Variants in PSEN1 observed in about 807,000 individuals in gnomAD.
PSEN1 encodes presenilin-1.
A neutral mutation model predicts 53.5 loss-of-function variants in PSEN1; 15 were observed. The observed-to-expected ratio is 0.28, with a 90% CI of 0.19 to 0.43. The LOEUF (loss-of-function observed/expected upper bound fraction) is 0.43, where lower values mean the gene tolerates loss of function less well. PSEN1 is among the 20% of genes least tolerant of loss of function. The pLI, the probability that PSEN1 is intolerant of heterozygous loss-of-function variation, is 1.00. For synonymous variants in PSEN1, 208 were observed against 209.8 expected (o/e 0.99, Z 0.08); for missense variants, 387 against 571.2 (o/e 0.68, Z 3.29).
At chr14:73,202,168 C>T (rs1347600482) in intron 8 of PSEN1, among the ~76,000 whole-genome samples, 1 of 151,536 alleles carries the variant, frequency 6.6e-6, no homozygotes, top group Non-Finnish European at 1.5e-5. Context: ...CCTCAGCCTC[C>T]CGAGTAGTTG....
intron 8 of PSEN1, among the ~76,000 whole-genome samples, chr14:73,201,685 C>T (rs1285617942): frequency 6.6e-6 from 1 of 152,094 alleles, no homozygotes; most frequent in Non-Finnish European, 1.5e-5. Context: ...CAGGTGGTGA[C>T]CTGACAGGAG....
intron 11 of PSEN1, among the ~76,000 whole-genome samples, chr14:73,218,664 C>T (rs1045257519): frequency 4.7e-5 from 7 of 150,106 alleles, no homozygotes; most frequent in Admixed American, 3.3e-4. Context: ...AGAATGCTCC[C>T]GCACAGCATA....
rs1402306850 is a variant in PSEN1, at chr14:73,202,471, T to A, written c.869-3915T>A. Among the ~76,000 whole-genome samples the A allele has an allele frequency of 2.3e-3, 128 of 56,466 alleles. 1 individual carries two copies. The highest frequency in any genetic ancestry group is 7.8e-3 in the African/African-American group (109 of 13,950). The allele number at this position is 56,466 out of a possible 152,430, so 37.0% of individuals were successfully genotyped here. A position where few individuals can be genotyped will look rare whatever the true frequency, so the allele number is the denominator to read the frequency against. On this transcript the variant is annotated intron_variant, in intron 8 of 11. Transcript: ENST00000324501. ...ATATATATATATATATATTTTTTTTTTTTTTTTTTTTTTTTTTTTTTGAGA... is the reference window on the plus strand; with the variant it reads ...ATATATATATATATATATTTTTTTTATTTTTTTTTTTTTTTTTTTTTGAGA...
At chr14:73,210,955 A>T (rs943089715) in intron 9 of PSEN1, among the ~76,000 whole-genome samples, 2 of 152,218 alleles carry the variant, frequency 1.3e-5, no homozygotes, top group African/African-American at 4.8e-5. Flanking sequence ...GATAGTCATT[A>T]TAATGAAATG....
intron 7 of PSEN1, chr14:73,197,781 A>C: frequency 4.0e-6 from 2 of 500,762 alleles, no homozygotes; most frequent in Non-Finnish European, 7.2e-6. Context: ...TACACTGTAC[A>C]CTAAGCAAAT....
At chr14:73,215,862 G>C (rs565926375) in intron 10 of PSEN1, among the ~76,000 whole-genome samples, 1 of 152,294 alleles carries the variant, frequency 6.6e-6, no homozygotes, top group African/African-American at 2.4e-5. Context: ...ATTCAGACTG[G>C]TACAGCCAGT....
chr14:73,176,062 T>G (rs1898040280), intron 5 of PSEN1, among the ~76,000 whole-genome samples: 1 of 152,260 alleles, frequency 6.6e-6, no homozygotes, highest in Admixed American at 6.5e-5. Context: ...ACTTTAAGCT[T>G]ATACAGAGTT....
At position 73,148,093 on chromosome 14, in the gene PSEN1, C is replaced by T. The variant is rs201945418; in HGVS notation, c.74C>T (p.Thr25Ile). ...QMSEDNHLSN[T>I]VRSQNDNRER... is the part of the protein sequence containing the mutation. ...TCTGAGGACAACCACCTGAGCAATA[C>T]TGTACGTAGCCAGGTACAGTGTCAG... Residue 25 changes from threonine (T) to isoleucine (I), a missense_variant, in exon 3 of 12, where the codon ACT becomes ATT. By Grantham distance (89) the Thr-to-Ile change is moderately conservative. Transcript: ENST00000324501. The T allele has an allele frequency of 6.2e-7, 1 of 1,612,972 alleles. No individual in the cohort carries two copies. Among genetic ancestry groups the T allele is most frequent in the South Asian group, 1.1e-5 (1 of 90,996 alleles).
intron 3 of PSEN1, among the ~76,000 whole-genome samples, chr14:73,149,143 G>C (rs1897150015): frequency 6.6e-6 from 1 of 152,046 alleles, no homozygotes; most frequent in African/African-American, 2.4e-5. Context: ...GCAGAGCTAG[G>C]AACAGTGGTG....
rs374072277 is a variant in PSEN1, at chr14:73,156,031, C to T, written c.87+7925C>T. On this transcript the variant is annotated intron_variant, in intron 3 of 11. Coordinates refer to ENST00000324501, the MANE Select transcript of PSEN1 (RefSeq NM_000021.4). ...CTTTCTGCTCAGTTTTGCTGTGGAT[C>T]TAAGTTTGCATTTAAAAATATTTTA... Among the ~76,000 whole-genome samples the T allele has an allele frequency of 8.5e-5, 13 of 152,102 alleles. No individual in the cohort carries two copies. In the South Asian group the frequency reaches 1.2e-3, roughly 15 times the overall value.
At chr14:73,218,963 G>GT (rs1255510631) in intron 11 of PSEN1, among the ~76,000 whole-genome samples, 171 bp from the exon 12 acceptor site, 1 of 152,066 alleles carries the variant, frequency 6.6e-6, no homozygotes, top group Non-Finnish European at 1.5e-5. Flanking sequence ...CAAAAGCTAG[G>GT]TTTTTTTCAT....
chr14:73,209,780 A>G, intron 9 of PSEN1, among the ~76,000 whole-genome samples: 1 of 152,220 alleles, frequency 6.6e-6, no homozygotes, highest in East Asian at 1.9e-4. Context: ...GGATGGAGGA[A>G]GAGCTTTCCA....
At chr14:73,191,983 G>A (rs535534919) in intron 6 of PSEN1, among the ~76,000 whole-genome samples, 36 of 152,038 alleles carry the variant, frequency 2.4e-4, no homozygotes, top group Non-Finnish European at 4.6e-4. Context: ...GTATAGTATG[G>A]CATTTTAGGT....
intron 8 of PSEN1, among the ~76,000 whole-genome samples, chr14:73,205,930 C>T (rs1899437259): frequency 6.6e-6 from 1 of 152,176 alleles, no homozygotes. Flanking sequence ...GGGTTTAAAA[C>T]ATGGTTTAGC....
chr14:73,139,780 G>T (rs896005430), intron 1 of PSEN1, among the ~76,000 whole-genome samples: 1 of 152,090 alleles, frequency 6.6e-6, no homozygotes, highest in Non-Finnish European at 1.5e-5. Context: ...CCCTCATCAA[G>T]TGTGTGCTTA....
Position 73,192,654 on chromosome 14 carries a change from A to G in PSEN1, c.559A>G (p.Lys187Glu). ...FSFIYLGEVF[K>E]TYNVAVDYIT... ...GTAATTTTTTTTCAGGGAAGTGTTTAAAACCTATAACGTTGCTGTGGACTA... is the reference window on the plus strand; with the variant it reads ...GTAATTTTTTTTCAGGGAAGTGTTTGAAACCTATAACGTTGCTGTGGACTA... The change falls in exon 7 of 12, where the codon AAA (lysine) becomes GAA (glutamate). Residue 187 changes from lysine to glutamate, a missense_variant. Lys to Glu is a moderately conservative substitution (Grantham distance 56). Transcript: ENST00000324501. The G allele has an allele frequency of 6.2e-7, 1 of 1,612,886 alleles. No individual in the cohort carries two copies. The highest frequency in any genetic ancestry group is 8.5e-7 in the Non-Finnish European group (1 of 1,178,846).
chr14:73,167,741 T>TG (rs987605551), intron 3 of PSEN1: 4 of 147,698 alleles, frequency 2.7e-5, no homozygotes, highest in East Asian at 2.0e-4. Context: ...TAACGTTTTC[T>TG]GTTTTTTTTT....
At chr14:73,202,197 A>G (rs1211457842) in intron 8 of PSEN1, among the ~76,000 whole-genome samples, 1 of 134,250 alleles carries the variant, frequency 7.4e-6, no homozygotes, top group Non-Finnish European at 1.6e-5. Flanking sequence ...AGCATGCGCC[A>G]CTATACCTGG....
chr14:73,206,310 A>C, intron 8 of PSEN1, 76 bp from the exon 9 acceptor site: 3 of 1,001,294 alleles, frequency 3.0e-6, no homozygotes, highest in Non-Finnish European at 4.8e-6. Flanking sequence ...ATTTGTGTGG[A>C]GAAATGATGG....
Sources: allele counts gnomAD v4.1 joint callset (sites outside exome capture counted in the v4.1 genomes callset), GRCh38; gene constraint gnomAD v4.1.1; transcripts MANE v1.5; gene names NCBI Gene and HGNC (gene_info 2026-07-23, HGNC 2026-07-21).